Variants in SPATS2L observed in about 807,000 individuals in gnomAD.
SPATS2L encodes the protein spermatogenesis associated serine rich 2 like.
In SPATS2L, 30 loss-of-function variants were observed where a neutral mutation model predicts 59.6. The ratio of observed to expected loss-of-function variants is 0.50; its 90% CI spans 0.38 to 0.68. The LOEUF (loss-of-function observed/expected upper bound fraction) is 0.68. SPATS2L is among the 30% of genes least tolerant of loss of function. The pLI, the probability that SPATS2L is intolerant of heterozygous loss-of-function variation, is 0.00. For synonymous variants in SPATS2L, 252 were observed against 263.5 expected (o/e 0.96, Z 0.42); for missense variants, 615 against 700.0 (o/e 0.88, Z 1.37).
chr2:200,466,476 C>T (rs972018084), intron 9 of SPATS2L, among the ~76,000 whole-genome samples: 5 of 152,234 alleles, frequency 3.3e-5, no homozygotes, highest in African/African-American at 1.2e-4. Flanking sequence ...CACGTGTATA[C>T]ACACACAGAC....
At chr2:200,471,970 T>C (rs1200451107) in intron 11 of SPATS2L, among the ~76,000 whole-genome samples, 1 of 152,188 alleles carries the variant, frequency 6.6e-6, no homozygotes, top group African/African-American at 2.4e-5. Flanking sequence ...GCTTTATCCT[T>C]GAATTGATTC....
intron 2 of SPATS2L, among the ~76,000 whole-genome samples, chr2:200,360,767 A>G (rs2081070779): frequency 6.6e-6 from 1 of 152,080 alleles, no homozygotes; most frequent in African/African-American, 2.4e-5. Context: ...TATCTACCTG[A>G]AAAGGAGCAC....
intron 2 of SPATS2L, among the ~76,000 whole-genome samples, chr2:200,340,672 C>G (rs992068802): frequency 2.0e-5 from 3 of 152,080 alleles, no homozygotes; most frequent in Non-Finnish European, 2.9e-5. Context: ...GATGGAGGAC[C>G]TGACCATGGG....
At chr2:200,309,186 T>G in intron 1 of SPATS2L, 1 of 715,828 alleles carries the variant, frequency 1.4e-6, no homozygotes, top group South Asian at 1.5e-5. Context: ...ATCAGAGTTG[T>G]GTTATCAATC....
chr2:200,384,716 TC>T (rs1559085283), intron 2 of SPATS2L, among the ~76,000 whole-genome samples: 1 of 152,238 alleles, frequency 6.6e-6, no homozygotes, highest in Non-Finnish European at 1.5e-5. Context: ...TGAAAATCTT[TC>T]CTTTATGACT....
At chr2:200,454,119 TCTCA>T (rs1443327928) in intron 8 of SPATS2L, among the ~76,000 whole-genome samples, 1 of 152,214 alleles carries the variant, frequency 6.6e-6, no homozygotes, top group African/African-American at 2.4e-5. Context: ...CGGCAATTCC[TCTCA>T]CTCTAGTCTC....
At chr2:200,416,313 A>T in intron 4 of SPATS2L, 66 bp from the exon 5 acceptor site, 1 of 745,298 alleles carries the variant, frequency 1.3e-6, no homozygotes, top group Non-Finnish European at 2.0e-6. Flanking sequence ...ATGGAAAGAC[A>T]GAGATGAATT....
rs540662906 is a variant in SPATS2L at position 200,320,977 on chromosome 2, C to T, written c.-72-8454C>T. On this transcript the variant is annotated intron_variant, in intron 1 of 12. Coordinates refer to ENST00000409140, the MANE Select transcript of SPATS2L (RefSeq NM_001100423.2). ...ATTTGTGTCTATATTTTTCAGAGTA[C>T]TTTCATGCATTTTCTTTTTTGAAAA... 5.3e-5 allele frequency among the ~76,000 whole-genome samples: 8 copies of T among 152,088 alleles called. No homozygotes were observed. The South Asian group carries it at 8.3e-4, about 16-fold the overall frequency.
intron 1 of SPATS2L, among the ~76,000 whole-genome samples, chr2:200,320,316 A>G (rs551545811): frequency 9.7e-4 from 148 of 152,350 alleles, no homozygotes; most frequent in African/African-American, 3.3e-3. Flanking sequence ...GAAAAAGCAT[A>G]TCTAAGTCAC....
At chr2:200,458,331 G>A (rs2085996180) in intron 8 of SPATS2L, among the ~76,000 whole-genome samples, 1 of 152,082 alleles carries the variant, frequency 6.6e-6, no homozygotes, top group South Asian at 2.1e-4. Flanking sequence ...CTATAAATTT[G>A]CCATTTTAGA....
chr2:200,368,573 A>G (rs924028007), intron 2 of SPATS2L, among the ~76,000 whole-genome samples: 1 of 152,216 alleles, frequency 6.6e-6, no homozygotes, highest in East Asian at 1.9e-4. Context: ...ATCTTTATCA[A>G]TTTATTTGAT....
intron 8 of SPATS2L, among the ~76,000 whole-genome samples, chr2:200,456,341 C>T (rs1265470418): frequency 6.6e-6 from 1 of 152,198 alleles, no homozygotes; most frequent in Non-Finnish European, 1.5e-5. Context: ...TGGAAATACC[C>T]AGAGAAACGG....
At chr2:200,429,630 CT>C (rs1192657986) in intron 6 of SPATS2L, among the ~76,000 whole-genome samples, 1 of 152,156 alleles carries the variant, frequency 6.6e-6, no homozygotes, top group African/African-American at 2.4e-5. Context: ...TGAATGGCTG[CT>C]GGGTTCCTGT....
In SPATS2L at chr2:200,419,343, C is replaced by T; in HGVS notation, c.292C>T (p.Pro98Ser). Residue 98 changes from proline to serine, a missense_variant, in exon 6 of 13, where the codon CCG (proline) becomes TCG (serine). Physicochemically the swap from Pro to Ser is moderately conservative, Grantham distance 74 (BLOSUM62 -1). Coordinates refer to ENST00000409140, the MANE Select transcript of SPATS2L (RefSeq NM_001100423.2). ...GAGGCCTGAGGCAGGGCCCCTGCAG[C>T]CGCAGCCACCACAGATTCAAAACGG... ...VERPEAGPLQ[P>S]QPPQIQNGPM... 6.2e-7 allele frequency: 1 copy of T among 1,610,770 alleles called. No individual in the cohort carries two copies.
At chr2:200,322,715 AAC>A (rs1297554206) in intron 1 of SPATS2L, among the ~76,000 whole-genome samples, 2 of 152,228 alleles carry the variant, frequency 1.3e-5, no homozygotes, top group Non-Finnish European at 2.9e-5. Context: ...GTCAGTACCT[AAC>A]ACACAGTTTC....
intron 2 of SPATS2L, among the ~76,000 whole-genome samples, chr2:200,368,653 GCTAA>G (rs1310261651): frequency 3.9e-5 from 6 of 152,186 alleles, no homozygotes; most frequent in Non-Finnish European, 7.3e-5. Flanking sequence ...AAGCTTTTGT[GCTAA>G]CTAAGGAGCA....
intron 3 of SPATS2L, among the ~76,000 whole-genome samples, chr2:200,402,591 C>A (rs2082561782): frequency 6.6e-6 from 1 of 152,188 alleles, no homozygotes; most frequent in African/African-American, 2.4e-5. Context: ...AGGACAGGTC[C>A]CCTGTTATAG....
At chr2:200,412,288 C>CTTT (rs748739547) in intron 3 of SPATS2L, 23 bp from the exon 4 acceptor site, 62 of 1,059,062 alleles carry the variant, frequency 5.9e-5, no homozygotes, top group African/African-American at 3.5e-4. Flanking sequence ...ATTTCTATTT[C>CTTT]TTTTTTTTTT....
intron 3 of SPATS2L, chr2:200,389,551 G>T: frequency 2.7e-6 from 1 of 370,814 alleles, no homozygotes; most frequent in Non-Finnish European, 4.9e-6. Flanking sequence ...TACAGAGGTG[G>T]AAATTGAGAA....
Sources: gnomAD v4.1 joint callset for allele counts (sites outside exome capture counted in the v4.1 genomes callset) on GRCh38, gnomAD v4.1.1 for gene constraint, MANE v1.5 for transcripts, NCBI Gene and HGNC (gene_info 2026-07-23, HGNC 2026-07-21) for gene names.